IQCH: variants seen among roughly 807,000 people sequenced by gnomAD.
The protein encoded by IQCH is IQ domain-containing protein H.
Under a neutral mutation model 117.0 loss-of-function variants are expected in IQCH, and 98 were observed. The observed-to-expected ratio is 0.84, with a 90% CI of 0.71 to 0.99. The LOEUF (loss-of-function observed/expected upper bound fraction) is 0.99, where lower values mean the gene tolerates loss of function less well. Among genes scored for constraint, IQCH ranks in the 50% least tolerant of loss-of-function variants. IQCH has a pLI of 0.00. For missense variants in IQCH, 1,102 were observed against 1,243.8 expected (o/e 0.89, Z 1.72); for synonymous variants, 412 against 448.2 (o/e 0.92, Z 1.02).
At chr15:67,497,533 G>A (rs556618064) in intron 20 of IQCH, among the ~76,000 whole-genome samples, 39 of 151,712 alleles carry the variant, frequency 2.6e-4, no homozygotes, top group African/African-American at 7.7e-4. Context: ...TCACTCTGTC[G>A]CCCAGGTTGG....
chr15:67,279,358 G>A (rs1966255591), intron 3 of IQCH, 37 bp from the exon 4 acceptor site: 2 of 1,131,670 alleles, frequency 1.8e-6, no homozygotes, highest in South Asian at 1.3e-5. Context: ...TTTTAAAATA[G>A]CAAATTTGAT....
At chr15:67,321,388 T>C (rs1008937276) in intron 4 of IQCH, among the ~76,000 whole-genome samples, 3 of 152,194 alleles carry the variant, frequency 2.0e-5, no homozygotes, top group Admixed American at 2.0e-4. Flanking sequence ...CCCTTCCAGC[T>C]CTGCAAATTA....
rs140656787 is a variant in IQCH, at chr15:67,482,873, G to A, written c.2799+7055G>A. On this transcript the variant is annotated intron_variant, in intron 18 of 20. Coordinates refer to ENST00000335894, the MANE Select transcript of IQCH (RefSeq NM_001031715.3). Reference sequence around the variant, plus strand: ...AGATTCTGGGGTACATAAGTAGACTGCAGTTGCCTGGGGAAAATGTTGTTA... The same window carrying A: ...AGATTCTGGGGTACATAAGTAGACTACAGTTGCCTGGGGAAAATGTTGTTA... 1.3e-3 allele frequency among the ~76,000 whole-genome samples: 205 copies of A among 152,278 alleles called. 1 individual carries two copies. The highest frequency in any genetic ancestry group is 3.9e-3 in the Admixed American group (59 of 15,292).
chr15:67,400,649 T>C (rs546314892), intron 14 of IQCH, among the ~76,000 whole-genome samples: 28 of 151,506 alleles, frequency 1.8e-4, no homozygotes, highest in African/African-American at 6.8e-4. Flanking sequence ...CATGCCTGGC[T>C]AAATTTTTCT....
chr15:67,395,968 C>G lies in IQCH; in HGVS notation c.1905+405C>G, dbSNP rs1381372718. 6.6e-6 allele frequency among the ~76,000 whole-genome samples: 1 copy of G among 152,024 alleles called. No homozygotes were observed. The highest frequency in any genetic ancestry group is 1.5e-5 in the Non-Finnish European group (1 of 68,018). Reference sequence around the variant, plus strand: ...TACCAGCGTGAGCCACTACGCCCAGCCTGAGGGAATCTACTTTAGAACTTT... The same window carrying G: ...TACCAGCGTGAGCCACTACGCCCAGGCTGAGGGAATCTACTTTAGAACTTT... On this transcript the variant is annotated intron_variant, in intron 13 of 20. Coordinates refer to ENST00000335894, the MANE Select transcript of IQCH (RefSeq NM_001031715.3). The surrounding 1 kb of genome is among the most constrained non-coding windows in gnomAD (Gnocchi z 4.0).
chr15:67,320,227 C>G (rs918433868), intron 4 of IQCH, among the ~76,000 whole-genome samples: 1 of 152,230 alleles, frequency 6.6e-6, no homozygotes, highest in African/African-American at 2.4e-5. Context: ...AAATGAGGAC[C>G]AAACTTTATT....
At chr15:67,295,535 G>A (rs373272532) in intron 4 of IQCH, among the ~76,000 whole-genome samples, 7 of 152,094 alleles carry the variant, frequency 4.6e-5, no homozygotes, top group African/African-American at 1.7e-4. Flanking sequence ...GACCAGGAAG[G>A]GTAGGTCCAC....
At position 67,476,235 on chromosome 15, in the gene IQCH, G is replaced by A. The variant is rs1278250679; in HGVS notation, c.2799+417G>A. On this transcript the variant is annotated intron_variant, in intron 18 of 20. Coordinates refer to ENST00000335894, the MANE Select transcript of IQCH (RefSeq NM_001031715.3). This position sits in a 1 kb window ranked among gnomAD's most constrained non-coding sequence, Gnocchi z 4.1. ...GCTAAATGGCTTGAGCCACAGAAGC[G>A]TATTTTCTCACTGTCTGGCAGCTGG... is the stretch of plus-strand genomic sequence containing the variant. 1.3e-5 allele frequency among the ~76,000 whole-genome samples: 2 copies of A among 152,242 alleles called. No individual in the cohort carries two copies. The highest frequency in any genetic ancestry group is 1.3e-4 in the Admixed American group (2 of 15,286).
chr15:67,359,947 CTG>C lies in IQCH; in HGVS notation c.753+63_753+64del, dbSNP rs1424937254. 32 of 1,361,640 alleles carry C rather than the reference CTG, an allele frequency of 2.4e-5. No homozygotes were observed. The African/African-American group carries it at 3.7e-4, about 16-fold the overall frequency. 84.3% of individuals were successfully genotyped at this position (1,361,640 alleles called of 1,614,324 possible). ...TGTCACCTGATGTCCCTTCCTTTTG[CTG>C]CAGGGCAAGAGTATGGGTGACTGCT... On this transcript the variant is annotated intron_variant, in intron 8 of 20. Transcript: ENST00000335894. The surrounding 1 kb of genome is among the most constrained non-coding windows in gnomAD (Gnocchi z 4.5).
chr15:67,497,003 C>T (rs1263261306), intron 20 of IQCH, among the ~76,000 whole-genome samples: 2 of 121,000 alleles, frequency 1.7e-5, no homozygotes, highest in African/African-American at 3.3e-5. Flanking sequence ...CCGGCCTGGG[C>T]GACAGAGCGA....
chr15:67,397,454 A>C (rs543344916), intron 13 of IQCH, among the ~76,000 whole-genome samples: 16 of 152,282 alleles, frequency 1.1e-4, no homozygotes, highest in African/African-American at 2.6e-4. Context: ...ACTGAGTTCT[A>C]CTCTACTTGT....
chr15:67,415,469 C>T (rs1270334817), intron 14 of IQCH, among the ~76,000 whole-genome samples: 1 of 152,108 alleles, frequency 6.6e-6, no homozygotes, highest in Non-Finnish European at 1.5e-5. Flanking sequence ...ATGAAACTCT[C>T]CCACCAAGAT....
chr15:67,323,495 G>T (rs1441997135), intron 4 of IQCH, among the ~76,000 whole-genome samples: 1 of 152,082 alleles, frequency 6.6e-6, no homozygotes, highest in Non-Finnish European at 1.5e-5. Flanking sequence ...GCCTGCCTCA[G>T]CCTCCCAAAG....
chr15:67,411,188 G>A lies in IQCH; in HGVS notation c.2098-5743G>A, dbSNP rs1437114330. 6.6e-6 allele frequency among the ~76,000 whole-genome samples: 1 copy of A among 152,064 alleles called. No homozygotes were observed. The highest frequency in any genetic ancestry group is 2.4e-5 in the African/African-American group (1 of 41,392). ...TGGAACCCCTCCCTTCTCTCAATCTGTACCACTAGCTGATTCAAATCCGGA... is the reference window on the plus strand; with the variant it reads ...TGGAACCCCTCCCTTCTCTCAATCTATACCACTAGCTGATTCAAATCCGGA... On this transcript the variant is annotated intron_variant, in intron 14 of 20. Transcript: ENST00000335894. This position sits in a 1 kb window ranked among gnomAD's most constrained non-coding sequence, Gnocchi z 4.4.
intron 10 of IQCH, among the ~76,000 whole-genome samples, chr15:67,383,528 T>G (rs943057610): frequency 1.3e-5 from 2 of 152,228 alleles, no homozygotes; most frequent in Non-Finnish European, 2.9e-5. Context: ...CTCAGGCACT[T>G]TTCTTAATCA....
At chr15:67,477,172 T>G (rs1203188888) in intron 18 of IQCH, among the ~76,000 whole-genome samples, 1 of 147,074 alleles carries the variant, frequency 6.8e-6, no homozygotes, top group Non-Finnish European at 1.5e-5. Context: ...TGCCTCAGCC[T>G]CCCGAGTAGC....
rs1267520595 is a variant in IQCH, at chr15:67,432,414, G to A, written c.2505+10837G>A. Among the ~76,000 whole-genome samples, 1 of 152,166 alleles carries A rather than the reference G, an allele frequency of 6.6e-6. No individual in the cohort carries two copies. Among genetic ancestry groups the A allele is most frequent in the African/African-American group, 2.4e-5 (1 of 41,452 alleles). ...AAATATTTTCATTGCAATGGCAATG[G>A]GTTCTGGCCCCAGTCTTTCCACTAA... On this transcript the variant is annotated intron_variant, in intron 16 of 20. Transcript: ENST00000335894. The surrounding 1 kb of genome is among the most constrained non-coding windows in gnomAD (Gnocchi z 5.0).
At position 67,269,301 on chromosome 15, in the gene IQCH, T is replaced by A. The variant is rs148895182; in HGVS notation, c.269+6085T>A. Among the ~76,000 whole-genome samples, 104 of 152,338 alleles carry A rather than the reference T, an allele frequency of 6.8e-4. 4 individuals are homozygous for A. The East Asian group carries it at 0.012, about 18-fold the overall frequency. On this transcript the variant is annotated intron_variant, in intron 3 of 20. Transcript: ENST00000335894. The stretch of plus-strand genomic sequence containing the variant: ...GTACAGCAAAATGGGCATACTTTTA[T>A]CCTGCTGGTAGAAGTGTAAATTAGC...
chr15:67,270,847 G>C (rs1428364997), intron 3 of IQCH, among the ~76,000 whole-genome samples: 12 of 152,062 alleles, frequency 7.9e-5, no homozygotes, highest in Admixed American at 4.6e-4. Context: ...ATAAGACAAG[G>C]GATGCTGAAT....
Sources: allele counts gnomAD v4.1 joint callset (sites outside exome capture counted in the v4.1 genomes callset), GRCh38; gene constraint gnomAD v4.1.1; non-coding constraint Gnocchi (gnomAD v3.1); transcripts MANE v1.5; gene names NCBI Gene and HGNC (gene_info 2026-07-23, HGNC 2026-07-21).